Variants in PIK3R5 observed in about 807,000 individuals in gnomAD.
PIK3R5 encodes phosphoinositide 3-kinase regulatory subunit 5.
A neutral mutation model predicts 94.9 loss-of-function variants in PIK3R5; 32 were observed. The ratio of observed to expected loss-of-function variants is 0.34; its 90% CI spans 0.25 to 0.45. PIK3R5 has a LOEUF of 0.45. PIK3R5 is among the 20% of genes least tolerant of loss of function. The pLI, the probability that PIK3R5 is intolerant of heterozygous loss-of-function variation, is 1.00. For missense variants in PIK3R5, 853 were observed against 1,144.6 expected (o/e 0.75, Z 3.68); for synonymous variants, 443 against 479.4 (o/e 0.92, Z 0.99).
At chr17:8,917,873 G>GA (rs766331127) in intron 1 of PIK3R5, among the ~76,000 whole-genome samples, 11 of 149,190 alleles carry the variant, frequency 7.4e-5, no homozygotes, top group African/African-American at 9.9e-5. Flanking sequence ...GTCAAAAAAA[G>GA]AAAAAAAAAG....
intron 1 of PIK3R5, among the ~76,000 whole-genome samples, chr17:8,949,874 C>T (rs1275019835): frequency 6.6e-6 from 1 of 152,200 alleles, no homozygotes; most frequent in Non-Finnish European, 1.5e-5. Context: ...TAACCAAATA[C>T]TACCTGTTCC....
intron 1 of PIK3R5, among the ~76,000 whole-genome samples, chr17:8,959,915 TC>T (rs1277913413): frequency 1.3e-5 from 2 of 152,152 alleles, no homozygotes; most frequent in African/African-American, 4.8e-5. Flanking sequence ...GGGACTCAAC[TC>T]CCTGAGCTGT....
chr17:8,886,387 G>A lies in PIK3R5; in HGVS notation c.2035-65C>T, dbSNP rs1008744561. The stretch of plus-strand genomic sequence containing the variant: ...TGGAGGGGCCCATTTGGCTCCTCCA[G>A]CATAGACCTGCTGGCTCTCCCGGGG... On this transcript the variant is annotated intron_variant, in intron 13 of 18. Transcript: ENST00000447110. 9 of 1,601,394 alleles carry A rather than the reference G, an allele frequency of 5.6e-6. No individual in the cohort carries two copies. The African/African-American group carries it at 8.0e-5, about 14-fold the overall frequency.
intron 1 of PIK3R5, among the ~76,000 whole-genome samples, chr17:8,943,452 A>T (rs968000897): frequency 6.6e-6 from 1 of 152,100 alleles, no homozygotes; most frequent in Non-Finnish European, 1.5e-5. Flanking sequence ...GTTCAATCTA[A>T]TACTTGAGCA....
At chr17:8,926,829 A>G (rs2090892799) in intron 1 of PIK3R5, among the ~76,000 whole-genome samples, 2 of 152,186 alleles carry the variant, frequency 1.3e-5, no homozygotes, top group African/African-American at 4.8e-5. Flanking sequence ...AGGTAAAAAT[A>G]GGAATAATTT....
chr17:8,965,032 A>ACAC (rs2072699078), intron 1 of PIK3R5, among the ~76,000 whole-genome samples: 4 of 95,450 alleles, frequency 4.2e-5, no homozygotes, highest in Non-Finnish European at 1.0e-4. Context: ...CACACACACG[A>ACAC]GTCACGCGGG....
chr17:8,895,383 C>T (rs931372571), intron 5 of PIK3R5, among the ~76,000 whole-genome samples: 5 of 152,202 alleles, frequency 3.3e-5, no homozygotes, highest in South Asian at 2.1e-4. Context: ...GACATCCAGG[C>T]GGTCATACTC....
rs1450067185 is a variant in PIK3R5 at position 8,890,594 on chromosome 17, CA to C, written c.657+143del. 3 of 733,628 alleles carry C rather than the reference CA, an allele frequency of 4.1e-6. No individual in the cohort carries two copies. In the African/African-American group the frequency reaches 5.3e-5, roughly 13 times the overall value. 45.4% of individuals were successfully genotyped at this position (733,628 alleles called of 1,614,324 possible). A position where few individuals can be genotyped will look rare whatever the true frequency, so the allele number is the denominator to read the frequency against. On this transcript the variant is annotated intron_variant, in intron 7 of 18. Coordinates refer to ENST00000447110, the MANE Select transcript of PIK3R5 (RefSeq NM_001142633.3). The surrounding 1 kb of genome is among the most constrained non-coding windows in gnomAD (Gnocchi z 6.1). ...ACACCAGAAACACCCTCTATGAGGT[CA>C]GCCCTCCAGCCACCACCCTGCCATG...
At position 8,909,106 on chromosome 17, in the gene PIK3R5, G is replaced by A. The variant is rs1222372268; in HGVS notation, c.172C>T (p.Leu58Phe). 1 of 1,609,694 alleles carries A rather than the reference G, an allele frequency of 6.2e-7. No homozygotes were observed. Among genetic ancestry groups the A allele is most frequent in the African/African-American group, 1.3e-5 (1 of 74,882 alleles). Residue 58 changes from leucine (L) to phenylalanine (F), a missense_variant, in exon 3 of 19, where the codon CTC (leucine) becomes TTC (phenylalanine). Around this residue, in one of 6 missense-constraint regions of PIK3R5, gnomAD observed 108 missense variants for 170.1 expected, o/e 0.63. Coordinates refer to ENST00000447110, the MANE Select transcript of PIK3R5 (RefSeq NM_001142633.3). This position sits in a 1 kb window ranked among gnomAD's most constrained non-coding sequence, Gnocchi z 4.3. ...GTCTTCTGCAGGATCTGCTCAAGGA[G>A]GATAAGGAAGTGGCCCGGGTCCCTG... ...VSRDPGHFLI[L>F]LEQILQKTRE... is the part of the protein sequence containing the mutation.
intron 1 of PIK3R5, among the ~76,000 whole-genome samples, chr17:8,959,692 T>C (rs1046398022): frequency 6.6e-6 from 1 of 152,128 alleles, no homozygotes; most frequent in African/African-American, 2.4e-5. Context: ...CAGGAACAAA[T>C]GCTCAGGCCA....
chr17:8,886,426 T>C, intron 13 of PIK3R5, 51 bp downstream of exon 13: 1 of 1,599,818 alleles, frequency 6.3e-7, no homozygotes, highest in East Asian at 2.2e-5. Flanking sequence ...GGGTGGGGCC[T>C]TGCAGGCCCG....
At chr17:8,943,915 G>A (rs1464779594) in intron 1 of PIK3R5, among the ~76,000 whole-genome samples, 11 of 150,512 alleles carry the variant, frequency 7.3e-5, no homozygotes, top group African/African-American at 2.5e-4. Flanking sequence ...TTTTAGGTGC[G>A]GGGGTACATG....
At chr17:8,918,861 A>C (rs1301432754) in intron 1 of PIK3R5, among the ~76,000 whole-genome samples, 1 of 152,242 alleles carries the variant, frequency 6.6e-6, no homozygotes. Context: ...CCCTGCTGTA[A>C]TGCACTGAGA....
intron 1 of PIK3R5, among the ~76,000 whole-genome samples, chr17:8,952,535 C>A (rs1407552689): frequency 6.6e-6 from 1 of 152,156 alleles, no homozygotes; most frequent in Non-Finnish European, 1.5e-5. Context: ...CTAGGGAGAG[C>A]AGCAGGGATT....
At position 8,945,927 on chromosome 17, in the gene PIK3R5, C is replaced by T. The variant is rs2091263010; in HGVS notation, c.-14+19669G>A. ...TCAAGTGAGAAATTAGATTATCCAT[C>T]TGGACGTTGCCATGATGTAAGGAAG... On this transcript the variant is annotated intron_variant, in intron 1 of 18. Transcript: ENST00000447110. This position sits in a 1 kb window ranked among gnomAD's most constrained non-coding sequence, Gnocchi z 4.0. Among the ~76,000 whole-genome samples the T allele has an allele frequency of 6.6e-6, 1 of 152,212 alleles. No individual in the cohort carries two copies. The highest frequency in any genetic ancestry group is 6.5e-5 in the Admixed American group (1 of 15,284).
intron 1 of PIK3R5, among the ~76,000 whole-genome samples, chr17:8,939,324 T>G (rs2091132864): frequency 1.3e-5 from 2 of 152,174 alleles, no homozygotes; most frequent in South Asian, 4.1e-4. Context: ...CATGGGACCA[T>G]TCAGCAGTCT....
chr17:8,924,974 C>T (rs2090842915), intron 1 of PIK3R5, among the ~76,000 whole-genome samples: 1 of 152,182 alleles, frequency 6.6e-6, no homozygotes, highest in South Asian at 2.1e-4. Context: ...CAGTCTCTCC[C>T]AACTTCTCAC....
intron 15 of PIK3R5, among the ~76,000 whole-genome samples, chr17:8,883,863 C>T (rs527566701): frequency 7.2e-5 from 11 of 152,198 alleles, no homozygotes; most frequent in African/African-American, 2.7e-4. Flanking sequence ...TAGAACAGTG[C>T]CTGGGCTGTG....
chr17:8,957,017 G>A (rs1000719645), intron 1 of PIK3R5, among the ~76,000 whole-genome samples: 1 of 152,150 alleles, frequency 6.6e-6, no homozygotes, highest in Non-Finnish European at 1.5e-5. Flanking sequence ...TGTGAAGCAG[G>A]GCTGTGGGGT....
Sources: gnomAD v4.1 joint callset for allele counts (sites outside exome capture counted in the v4.1 genomes callset) on GRCh38, gnomAD v4.1.1 for gene constraint, gnomAD v4.1.1 regional missense constraint, Gnocchi (gnomAD v3.1) non-coding constraint, MANE v1.5 for transcripts, NCBI Gene and HGNC (gene_info 2026-07-23, HGNC 2026-07-21) for gene names.